The following UPF3A variants were observed in gnomAD, a reference collection of about 807,000 sequenced individuals.
UPF3A encodes regulator of nonsense transcripts 3A.
Under a neutral mutation model 53.5 loss-of-function variants are expected in UPF3A, and 42 were observed. That is an observed-to-expected ratio of 0.78 (90% CI 0.61 to 1.01). The LOEUF is 1.01. UPF3A is among the 50% of genes least tolerant of loss of function. The pLI is 0.00. For missense variants in UPF3A, 575 were observed against 598.0 expected (o/e 0.96, Z 0.40); for synonymous variants, 237 against 225.3 (o/e 1.05, Z -0.47).
intron 5 of UPF3A, 109 bp from the exon 6 acceptor site, chr13:114,291,380 A>T: frequency 9.3e-7 from 1 of 1,080,442 alleles, no homozygotes; most frequent in African/African-American, 1.6e-5. Flanking sequence ...AAATTTAAAA[A>T]GTAATGATAT....
intron 8 of UPF3A, among the ~76,000 whole-genome samples, chr13:114,299,259 C>T (rs983087568): frequency 6.6e-6 from 1 of 152,180 alleles, no homozygotes; most frequent in African/African-American, 2.4e-5. Flanking sequence ...CCTCCTTTTA[C>T]TCCTGAGCCG....
chr13:114,283,174 A>C, intron 3 of UPF3A: 1 of 360,638 alleles, frequency 2.8e-6, no homozygotes, highest in Non-Finnish European at 5.0e-6. Context: ...TGCCACCATG[A>C]TCGGCTGATT....
Position 114,291,551 on chromosome 13 carries a change from C to G in UPF3A, c.687+7C>G. ...TAGAAAATTAGAAAAGCAGGTAGGT[C>G]TGGCCTTTACCTGATGAACACCCTC... On this transcript the variant is annotated splice_region_variant and intron_variant, in intron 6 of 9. Coordinates refer to ENST00000375299, the MANE Select transcript of UPF3A (RefSeq NM_023011.4). The G allele has an allele frequency of 6.2e-7, 1 of 1,609,466 alleles. No homozygotes were observed. The highest frequency in any genetic ancestry group is 8.5e-7 in the Non-Finnish European group (1 of 1,178,948).
At chr13:114,288,947 C>T (rs975146488) in intron 5 of UPF3A, among the ~76,000 whole-genome samples, 1 of 152,164 alleles carries the variant, frequency 6.6e-6, no homozygotes, top group Admixed American at 6.5e-5. Context: ...ATTTCCATCT[C>T]ACTTTGTTTT....
chr13:114,286,947 A>G (rs2084752519), intron 5 of UPF3A: 1 of 240,328 alleles, frequency 4.2e-6, no homozygotes, highest in Non-Finnish European at 8.1e-6. Context: ...TGTGTCACAT[A>G]GTTGAAGTCA....
rs1399862043 is a variant in UPF3A at position 114,281,802 on chromosome 13, G to A, written c.163G>A (p.Gly55Ser). 1.9e-6 allele frequency: 3 copies of A among 1,554,286 alleles called. No individual in the cohort carries two copies. The highest frequency in any genetic ancestry group is 1.7e-6 in the Non-Finnish European group (2 of 1,149,764). ...AACTTCGTCCTCCGGTTGCGGGGGCGGTGCGGGCAAACCTCGCGAGGAGAA... is the reference window on the plus strand; with the variant it reads ...AACTTCGTCCTCCGGTTGCGGGGGCAGTGCGGGCAAACCTCGCGAGGAGAA... ...PPTSSSGCGG[G>S]AGKPREEKRT... The change falls in exon 1 of 10, where the codon GGT becomes AGT. Residue 55 changes from glycine to serine, a missense_variant. This residue lies in a region of UPF3A where 252 missense variants were observed against 182.7 expected (regional missense o/e 1.38). Transcript: ENST00000375299.
intron 5 of UPF3A, 77 bp from the exon 6 acceptor site, chr13:114,291,412 G>T (rs2085256554): frequency 7.6e-7 from 1 of 1,322,224 alleles, no homozygotes; most frequent in Non-Finnish European, 1.0e-6. Flanking sequence ...TTATTTTAAA[G>T]ATTACATTCA....
In UPF3A at chr13:114,282,131, A is replaced by G. The variant is rs1385650136; in HGVS notation, c.314+4A>G. ...AGTTCTTCGCCGCCGACCTGAGGTG[A>G]GGCCCGCCCCGAGGGGAGGAAGAGA... is the stretch of plus-strand genomic sequence containing the variant. On this transcript the variant is annotated splice_donor_region_variant and intron_variant, in intron 2 of 9. Coordinates refer to ENST00000375299, the MANE Select transcript of UPF3A (RefSeq NM_023011.4). 6.5e-7 allele frequency: 1 copy of G among 1,549,054 alleles called. No individual in the cohort carries two copies. Among genetic ancestry groups the G allele is most frequent in the South Asian group, 1.2e-5 (1 of 84,196 alleles).
At chr13:114,292,942 G>A (rs571739064) in intron 7 of UPF3A, among the ~76,000 whole-genome samples, 8 of 151,864 alleles carry the variant, frequency 5.3e-5, no homozygotes, top group South Asian at 2.1e-4. Context: ...GTGTGGTGGC[G>A]GACGCCTTAA....
rs117457594 is a variant in UPF3A at position 114,282,178 on chromosome 13, G to T, written c.314+51G>T. On this transcript the variant is annotated intron_variant, in intron 2 of 9. Transcript: ENST00000375299. ...GAGAGGGCGGAACCCAGAGCTCGGC[G>T]GCGGTGGCCGTCTCGTTGCCTTACG... 6.2e-3 allele frequency: 9,035 copies of T among 1,451,010 alleles called. 585 individuals are homozygous for T. In the Admixed American group the frequency reaches 0.13, roughly 21 times the overall value. 89.9% of individuals were successfully genotyped at this position (1,451,010 alleles called of 1,614,324 possible). A position where few individuals can be genotyped will look rare whatever the true frequency, so the allele number is the denominator to read the frequency against.
rs554796418 is a variant in UPF3A, at chr13:114,292,020, C to CT, written c.846+229dup. Among the ~76,000 whole-genome samples the CT allele has an allele frequency of 4.3e-4, 66 of 151,894 alleles. 1 individual carries two copies. Among genetic ancestry groups the CT allele is most frequent in the African/African-American group, 1.5e-3 (61 of 41,412 alleles). ...AGGCTGCTGTTGGGTGCCTGTCCTCCTGGGTGTGCAGTGGGGAGCACACCC... is the reference window on the plus strand; with the variant it reads ...AGGCTGCTGTTGGGTGCCTGTCCTCCTTGGGTGTGCAGTGGGGAGCACACCC... On this transcript the variant is annotated intron_variant, in intron 7 of 9. Transcript: ENST00000375299.
Position 114,290,720 on chromosome 13 carries a change from CTTTTCTTTT to C in UPF3A, c.632-755_632-747del, listed in dbSNP as rs1462798296. Among the ~76,000 whole-genome samples the C allele has an allele frequency of 4.7e-5, 7 of 149,806 alleles. No individual in the cohort carries two copies. In the East Asian group the frequency reaches 5.9e-4, roughly 13 times the overall value. On this transcript the variant is annotated intron_variant, in intron 5 of 9. Transcript: ENST00000375299. ...CGCCATATGGAGTCATTTTCTTTTT[CTTTTCTTTT>C]TTTTCTTTTTTTTTTTTTTTTGAGG...
rs1440337330 is a variant in UPF3A at position 114,282,010 on chromosome 13, G to A, written c.208-11G>A. 2.4e-5 allele frequency: 37 copies of A among 1,545,848 alleles called. No individual in the cohort carries two copies. Among genetic ancestry groups the A allele is most frequent in the Non-Finnish European group, 2.9e-5 (33 of 1,147,854 alleles). Reference sequence around the variant, plus strand: ...TCCGCCCCGGTGGGAACGGCCGCGCGCTCCCCGCAGGTGGTCATCCGCCGC... The same window carrying A: ...TCCGCCCCGGTGGGAACGGCCGCGCACTCCCCGCAGGTGGTCATCCGCCGC... On this transcript the variant is annotated splice_polypyrimidine_tract_variant and intron_variant, in intron 1 of 9. Transcript: ENST00000375299.
chr13:114,286,316 G>A lies in UPF3A; in HGVS notation c.436G>A (p.Ala146Thr). ...FLDSKGLEYP[A>T]VVEFAPFQKI... Reference sequence around the variant, plus strand: ...CCTGTTAAAAGGCCTAGAATATCCTGCAGTGGTAGAGTTTGCTCCATTCCA... The same window carrying A: ...CCTGTTAAAAGGCCTAGAATATCCTACAGTGGTAGAGTTTGCTCCATTCCA... Residue 146 changes from alanine to threonine, a missense_variant, in exon 4 of 10, where the codon GCA becomes ACA. Ala to Thr is a moderately conservative substitution (Grantham distance 58, BLOSUM62 0). This residue lies in a region of UPF3A where 323 missense variants were observed against 415.2 expected (regional missense o/e 0.78). Transcript: ENST00000375299. The A allele has an allele frequency of 6.2e-7, 1 of 1,614,098 alleles. No homozygotes were observed. The highest frequency in any genetic ancestry group is 1.1e-5 in the South Asian group (1 of 91,076).
At chr13:114,296,314 C>T (rs924519425) in intron 7 of UPF3A, among the ~76,000 whole-genome samples, 2 of 152,012 alleles carry the variant, frequency 1.3e-5, no homozygotes, top group Non-Finnish European at 2.9e-5. Context: ...ACCCAGGAGG[C>T]GAAGGTACAG....
intron 1 of UPF3A, 50 bp from the exon 2 acceptor site, chr13:114,281,971 C>T (rs1285759792): frequency 1.1e-5 from 16 of 1,510,156 alleles, no homozygotes; most frequent in East Asian, 7.4e-5. Context: ...GCCTTTTGAG[C>T]TCCTTGTCCA....
rs1054139671 is a variant in UPF3A, at chr13:114,281,636, C to T, written c.-4C>T. 5 of 1,459,234 alleles carry T rather than the reference C, an allele frequency of 3.4e-6. No individual in the cohort carries two copies. The highest frequency in any genetic ancestry group is 4.5e-6 in the Non-Finnish European group (5 of 1,106,310). The allele number at this position is 1,459,234 out of a possible 1,614,324, so 90.4% of individuals were successfully genotyped here. On this transcript the variant is annotated 5_prime_UTR_variant, in exon 1 of 10. Transcript: ENST00000375299. ...GGCGGCTGCGGCTCGGCGGAGAGTG[C>T]GGCATGCGCTCGGAAAAGGAGGGGG...
intron 7 of UPF3A, among the ~76,000 whole-genome samples, chr13:114,292,192 G>A (rs1384459750): frequency 3.3e-5 from 5 of 150,208 alleles, no homozygotes; most frequent in African/African-American, 1.2e-4. Context: ...ACGCGTACAC[G>A]TGCAGGTGTG....
intron 5 of UPF3A, chr13:114,287,698 A>C (rs2084858442): frequency 6.6e-6 from 1 of 152,226 alleles, no homozygotes; most frequent in Non-Finnish European, 1.5e-5. Flanking sequence ...CCCCAGTGGA[A>C]CTATATTTTC....
Sources: gnomAD v4.1 joint callset for allele counts (sites outside exome capture counted in the v4.1 genomes callset) on GRCh38, gnomAD v4.1.1 for gene constraint, gnomAD v4.1.1 regional missense constraint, MANE v1.5 for transcripts, NCBI Gene and HGNC (gene_info 2026-07-23, HGNC 2026-07-21) for gene names.